Variants in RAP1B observed in about 807,000 individuals in gnomAD.
RAP1B encodes the protein ras-related protein Rap-1b.
In RAP1B, 1 loss-of-function variant was observed where a neutral mutation model predicts 27.5. That is an observed-to-expected ratio of 0.04 (90% CI 0.01 to 0.17). The LOEUF (loss-of-function observed/expected upper bound fraction) is 0.17, where lower values mean the gene tolerates loss of function less well. RAP1B is among the 10% of genes least tolerant of loss of function. The pLI is 1.00. For missense variants in RAP1B, 84 were observed against 214.8 expected (o/e 0.39, Z 3.81); for synonymous variants, 75 against 73.1 (o/e 1.03, Z -0.13).
chr12:68,670,318 A>T lies in RAP1B; in HGVS notation c.*11069A>T, dbSNP rs948969177. 1 of 152,154 alleles carries T rather than the reference A, an allele frequency of 6.6e-6. No homozygotes were observed. Among genetic ancestry groups the T allele is most frequent in the Non-Finnish European group, 1.5e-5 (1 of 68,030 alleles). The allele number at this position is 152,154 out of a possible 1,614,324, so 9.4% of individuals were successfully genotyped here. A position where few individuals can be genotyped will look rare whatever the true frequency, so the allele number is the denominator to read the frequency against. On this transcript the variant is annotated 3_prime_UTR_variant, in exon 8 of 8. Coordinates refer to ENST00000250559, the MANE Select transcript of RAP1B (RefSeq NM_001010942.3). ...TCTGTCTAAAGACAATAAAAGTTCAACCCCTATATCATGCAAAAAGCACTT... is the reference window on the plus strand; with the variant it reads ...TCTGTCTAAAGACAATAAAAGTTCATCCCCTATATCATGCAAAAAGCACTT...
In RAP1B at chr12:68,653,976, G is replaced by A. The variant is rs1472068729; in HGVS notation, c.184-136G>A. 3.1e-5 allele frequency: 24 copies of A among 776,160 alleles called. No homozygotes were observed. The South Asian group carries it at 4.7e-4, about 15-fold the overall frequency. The allele number at this position is 776,160 out of a possible 1,614,324, so 48.1% of individuals were successfully genotyped here. A position where few individuals can be genotyped will look rare whatever the true frequency, so the allele number is the denominator to read the frequency against. On this transcript the variant is annotated intron_variant, in intron 4 of 7. Coordinates refer to ENST00000250559, the MANE Select transcript of RAP1B (RefSeq NM_001010942.3). ...TGCCAATTTTTTCAAATAGTATCTT[G>A]TCATAGATTATAATTTTAACAAAGT...
At chr12:68,613,947 C>T (rs1039422146) in intron 1 of RAP1B, among the ~76,000 whole-genome samples, 3 of 152,092 alleles carry the variant, frequency 2.0e-5, no homozygotes, top group African/African-American at 2.4e-5. Context: ...AAAGTGACCC[C>T]CTCCCATAAT....
At chr12:68,656,535 T>C in intron 6 of RAP1B, 86 bp downstream of exon 6, 1 of 1,367,658 alleles carries the variant, frequency 7.3e-7, no homozygotes, top group Non-Finnish European at 1.0e-6. Context: ...CAAGTTAATA[T>C]GTACTCAGGG....
chr12:68,643,845 CTATT>C lies in RAP1B; in HGVS notation c.-26-4849_-26-4846del, dbSNP rs139425806. Among the ~76,000 whole-genome samples the C allele has an allele frequency of 3.5e-3, 529 of 151,976 alleles. 4 individuals are homozygous for C. Among genetic ancestry groups the C allele is most frequent in the Middle Eastern group, 6.8e-3 (2 of 294 alleles). On this transcript the variant is annotated intron_variant, in intron 1 of 7. Transcript: ENST00000250559. Reference sequence around the variant, plus strand: ...TGTTTCATTTGTTTTATAATTTTTTCTATTTATTAACAATAGAACTGTCAGGAAA... The same window carrying C: ...TGTTTCATTTGTTTTATAATTTTTTCTATTAACAATAGAACTGTCAGGAAA...
chr12:68,643,569 A>C (rs769005013), intron 1 of RAP1B, among the ~76,000 whole-genome samples: 5 of 152,198 alleles, frequency 3.3e-5, no homozygotes, highest in Admixed American at 6.5e-5. Context: ...GAATAGAATT[A>C]AACTTTAATT....
intron 1 of RAP1B, among the ~76,000 whole-genome samples, chr12:68,640,664 G>A (rs1872934122): frequency 1.3e-5 from 2 of 151,954 alleles, no homozygotes; most frequent in Admixed American, 6.6e-5. Flanking sequence ...ATTTTGTTAC[G>A]CTTTTTAGTT....
chr12:68,643,058 G>T, intron 1 of RAP1B: 7 of 689,256 alleles, frequency 1.0e-5, no homozygotes, highest in Middle Eastern at 4.1e-4. Flanking sequence ...CTTCTTGAAG[G>T]TTGTTCATCT....
intron 1 of RAP1B, among the ~76,000 whole-genome samples, chr12:68,635,690 A>C (rs1350166078): frequency 6.6e-6 from 1 of 151,906 alleles, no homozygotes; most frequent in Non-Finnish European, 1.5e-5. Context: ...CCTGACCTCA[A>C]GCAATCCACC....
At chr12:68,636,466 C>G (rs900424271) in intron 1 of RAP1B, among the ~76,000 whole-genome samples, 1 of 152,180 alleles carries the variant, frequency 6.6e-6, no homozygotes, top group Admixed American at 6.5e-5. Context: ...GTTCTTGCGT[C>G]ACCCATGATA....
Position 68,650,787 on chromosome 12 carries a change from T to TAAA in RAP1B, c.126+321_126+322insAAA, listed in dbSNP as rs1198161077. 8.1e-4 allele frequency: 131 copies of TAAA among 162,428 alleles called. 1 individual carries two copies. The highest frequency in any genetic ancestry group is 3.0e-3 in the African/African-American group (127 of 41,962). 10.1% of individuals were successfully genotyped at this position (162,428 alleles called of 1,614,324 possible). A position where few individuals can be genotyped will look rare whatever the true frequency, so the allele number is the denominator to read the frequency against. ...GATTACTCTCAAGCTCCCTTCTTTTTAACCTAGAAATAGGTGGACACAGGT... is the reference window on the plus strand; with the variant it reads ...GATTACTCTCAAGCTCCCTTCTTTTTAAAAACCTAGAAATAGGTGGACACAGGT... On this transcript the variant is annotated intron_variant, in intron 3 of 7. Transcript: ENST00000250559.
intron 2 of RAP1B, chr12:68,650,178 T>A (rs1873707799): frequency 3.2e-6 from 1 of 314,432 alleles, no homozygotes; most frequent in East Asian, 6.0e-5. Context: ...ATCTCTAAAT[T>A]TAGAATTACC....
chr12:68,653,223 T>G (rs1472097463), intron 4 of RAP1B, among the ~76,000 whole-genome samples: 2 of 151,872 alleles, frequency 1.3e-5, no homozygotes, highest in Admixed American at 6.6e-5. Context: ...GAAAAAGAAA[T>G]ATTTTGATTG....
At chr12:68,652,893 C>G (rs976423237) in intron 4 of RAP1B, among the ~76,000 whole-genome samples, 1 of 152,130 alleles carries the variant, frequency 6.6e-6, no homozygotes, top group Non-Finnish European at 1.5e-5. Flanking sequence ...GGCATACATT[C>G]ATTCATCAGC....
intron 1 of RAP1B, among the ~76,000 whole-genome samples, chr12:68,623,336 A>G (rs905025011): frequency 1.1e-4 from 17 of 152,190 alleles, no homozygotes; most frequent in African/African-American, 4.1e-4. Context: ...TGCATATTAA[A>G]GGAGTTTTAG....
At chr12:68,632,130 T>G (rs1158781116) in intron 1 of RAP1B, among the ~76,000 whole-genome samples, 1 of 109,950 alleles carries the variant, frequency 9.1e-6, no homozygotes, top group Non-Finnish European at 1.7e-5. Context: ...TTTGGATTTG[T>G]TTTTTTTTTT....
At chr12:68,628,475 TG>T (rs1218995471) in intron 1 of RAP1B, among the ~76,000 whole-genome samples, 2 of 152,368 alleles carry the variant, frequency 1.3e-5, no homozygotes, top group African/African-American at 4.8e-5. Context: ...TATTTTTATA[TG>T]TAAATGTGAT....
chr12:68,658,857 A>G (rs1046836368), intron 7 of RAP1B, among the ~76,000 whole-genome samples: 1 of 152,214 alleles, frequency 6.6e-6, no homozygotes, highest in African/African-American at 2.4e-5. Context: ...TATACTTATG[A>G]TCTAATTCTA....
intron 1 of RAP1B, among the ~76,000 whole-genome samples, chr12:68,611,403 C>T (rs934794801): frequency 1.3e-5 from 2 of 149,222 alleles, no homozygotes; most frequent in African/African-American, 2.5e-5. Flanking sequence ...TCCCGCCGCC[C>T]TCCTTTCCCC....
chr12:68,629,085 T>G (rs1180230386), intron 1 of RAP1B, among the ~76,000 whole-genome samples: 1 of 152,126 alleles, frequency 6.6e-6, no homozygotes, highest in Non-Finnish European at 1.5e-5. Context: ...AGTGCAGTGG[T>G]GCAGTCACAA....
Sources: gnomAD v4.1 joint callset for allele counts (sites outside exome capture counted in the v4.1 genomes callset) on GRCh38, gnomAD v4.1.1 for gene constraint, MANE v1.5 for transcripts, NCBI Gene and HGNC (gene_info 2026-07-23, HGNC 2026-07-21) for gene names.